The following BCL7A variants were observed in gnomAD, a reference collection of about 807,000 sequenced individuals.
The protein encoded by BCL7A is BAF chromatin remodeling complex subunit BCL7A, also known as B-cell CLL/lymphoma 7 protein family member A.
BCL7A carries 11 observed loss-of-function variants against 28.4 expected under a neutral mutation model. The observed-to-expected ratio is 0.39, with a 90% CI of 0.24 to 0.64. The LOEUF (loss-of-function observed/expected upper bound fraction) is 0.64. Ranked by LOEUF, BCL7A falls within the 30% of genes least tolerant of loss-of-function variation. BCL7A has a pLI of 0.50. For synonymous variants in BCL7A, 123 were observed against 103.3 expected, an observed-to-expected ratio of 1.19 and a Z score of -1.15; for missense variants, 222 against 274.8, an observed-to-expected ratio of 0.81 and a Z score of 1.36.
At chr12:122,050,471 T>C (rs1884169231) in intron 4 of BCL7A, among the ~76,000 whole-genome samples, 1 of 152,190 alleles carries the variant, frequency 6.6e-6, no homozygotes, top group Non-Finnish European at 1.5e-5. Context: ...GTACAGTATG[T>C]GTCGTCCCCT....
chr12:122,022,823 A>G (rs1883498105), intron 1 of BCL7A, among the ~76,000 whole-genome samples: 1 of 151,592 alleles, frequency 6.6e-6, no homozygotes, highest in Middle Eastern at 3.5e-3. Flanking sequence ...GGCGACCAGG[A>G]AAGATGGGGG....
At chr12:122,056,511 A>C (rs1254193105) in intron 5 of BCL7A, among the ~76,000 whole-genome samples, 1 of 152,010 alleles carries the variant, frequency 6.6e-6, no homozygotes, top group Non-Finnish European at 1.5e-5. Flanking sequence ...TTCAAGCAAT[A>C]CGTTTTTGGC....
chr12:122,047,381 G>A (rs1351218379), intron 4 of BCL7A, among the ~76,000 whole-genome samples: 1 of 151,856 alleles, frequency 6.6e-6, no homozygotes, highest in African/African-American at 2.4e-5. Context: ...AAAATTATCC[G>A]GGCATGGTAT....
At chr12:122,031,735 C>T (rs1292386740) in intron 2 of BCL7A, among the ~76,000 whole-genome samples, 2 of 151,976 alleles carry the variant, frequency 1.3e-5, no homozygotes, top group South Asian at 2.1e-4. Flanking sequence ...TGTAGGGATG[C>T]GGGGCTCCAG....
At chr12:122,052,153 G>A (rs1462625469) in intron 4 of BCL7A, among the ~76,000 whole-genome samples, 1 of 151,846 alleles carries the variant, frequency 6.6e-6, no homozygotes, top group Non-Finnish European at 1.5e-5. Flanking sequence ...GGGATTACAG[G>A]TGTGAGCCAC....
Position 122,044,063 on chromosome 12 carries a change from C to G in BCL7A, c.439+10C>G. The G allele has an allele frequency of 6.2e-7, 1 of 1,607,474 alleles. No homozygotes were observed. Reference sequence around the variant, plus strand: ...CACCCAGGAGCTGAAGGTATGTGGCCTCTGGAGGTGGGGCTCTGACGGCCT... The same window carrying G: ...CACCCAGGAGCTGAAGGTATGTGGCGTCTGGAGGTGGGGCTCTGACGGCCT... On this transcript the variant is annotated intron_variant, in intron 4 of 5. Transcript: ENST00000261822.
At chr12:122,043,168 C>G (rs996190494) in intron 3 of BCL7A, among the ~76,000 whole-genome samples, 4 of 152,102 alleles carry the variant, frequency 2.6e-5, no homozygotes, top group Non-Finnish European at 4.4e-5. Flanking sequence ...GGCAATCCCG[C>G]CTCACGGACC....
chr12:122,022,097 G>C lies in BCL7A; in HGVS notation c.6G>C (p.Ser2=), dbSNP rs1358898606. The C allele has an allele frequency of 1.2e-5, 19 of 1,569,482 alleles. No homozygotes were observed. The highest frequency in any genetic ancestry group is 2.8e-5 in the African/African-American group (2 of 72,292). Residue 2 remains serine, a synonymous_variant, in exon 1 of 6, where the codon TCG becomes TCC. Transcript: ENST00000261822. ...TCCGTCTCCCCGCCGGAACCATGTC[G>C]GGCAGGTCGGTTCGAGCCGAGACGA... M[S]GRSVRAETRS... is the part of the protein sequence containing the mutation.
intron 1 of BCL7A, among the ~76,000 whole-genome samples, chr12:122,024,106 C>T (rs564632507): frequency 1.3e-5 from 2 of 152,266 alleles, no homozygotes; most frequent in African/African-American, 2.4e-5. Flanking sequence ...GGAGGCCTTC[C>T]AGCCCGCTGA....
At chr12:122,032,971 T>C (rs925213203) in intron 2 of BCL7A, among the ~76,000 whole-genome samples, 10 of 152,304 alleles carry the variant, frequency 6.6e-5, no homozygotes, top group South Asian at 4.1e-4. Context: ...ATCTGCCTTG[T>C]GGAGGGAGAG....
chr12:122,050,435 A>T (rs1369302830), intron 4 of BCL7A, among the ~76,000 whole-genome samples: 1 of 152,172 alleles, frequency 6.6e-6, no homozygotes, highest in Non-Finnish European at 1.5e-5. Context: ...CCAGTGCCCT[A>T]GCGGCTTTGC....
chr12:122,028,081 C>T (rs1274622686), intron 1 of BCL7A, among the ~76,000 whole-genome samples: 2 of 152,078 alleles, frequency 1.3e-5, no homozygotes, highest in Non-Finnish European at 2.9e-5. Context: ...GCTCCATGGC[C>T]CCTCCGGGTG....
Position 122,035,383 on chromosome 12 carries a change from C to T in BCL7A, c.227C>T (p.Thr76Ile). 1 of 1,614,146 alleles carries T rather than the reference C, an allele frequency of 6.2e-7. No individual in the cohort carries two copies. The highest frequency in any genetic ancestry group is 8.5e-7 in the Non-Finnish European group (1 of 1,179,998). ...GACGAGAAGTGTGGCTCAGAGGTGA[C>T]CACTCCGGAGAACAGTTCCTCCCCA... is the stretch of plus-strand genomic sequence containing the variant. ...GKDEKCGSEV[T>I]TPENSSSPGM... The change falls in exon 3 of 6, where the codon ACC becomes ATC. Residue 76 changes from threonine (T) to isoleucine (I), a missense_variant. By Grantham distance (89) the Thr-to-Ile change is moderately conservative. Coordinates refer to ENST00000261822, the MANE Select transcript of BCL7A (RefSeq NM_001024808.3).
intron 1 of BCL7A, among the ~76,000 whole-genome samples, chr12:122,026,409 C>G (rs917084129): frequency 6.6e-6 from 1 of 152,200 alleles, no homozygotes; most frequent in Non-Finnish European, 1.5e-5. Flanking sequence ...TGCCACTGTA[C>G]TCTAGCCTGG....
In BCL7A at chr12:122,059,057, A is replaced by G. The variant is rs1215166121; in HGVS notation, c.562-35A>G. On this transcript the variant is annotated intron_variant, in intron 5 of 5. Transcript: ENST00000261822. This position sits in a 1 kb window ranked among gnomAD's most constrained non-coding sequence, Gnocchi z 4.0. The stretch of plus-strand genomic sequence containing the variant: ...CTGGCCTAACTTGCTCTCCTGGCCC[A>G]TTAACCTGTGTTCCCCTTTTCTCCT... 1.3e-6 allele frequency: 2 copies of G among 1,562,212 alleles called. No homozygotes were observed. Among genetic ancestry groups the G allele is most frequent in the Non-Finnish European group, 1.8e-6 (2 of 1,132,752 alleles).
At chr12:122,043,718 CA>C (rs1884006300) in intron 3 of BCL7A, among the ~76,000 whole-genome samples, 167 bp from the exon 4 acceptor site, 1 of 147,904 alleles carries the variant, frequency 6.8e-6, no homozygotes, top group Admixed American at 6.8e-5. Context: ...GCCTGGTTGA[CA>C]GAGCGAGATC....
intron 4 of BCL7A, among the ~76,000 whole-genome samples, chr12:122,049,059 T>C (rs1208866572): frequency 1.0e-4 from 11 of 105,546 alleles, no homozygotes; most frequent in East Asian, 2.7e-4. Flanking sequence ...TATATACATA[T>C]ACACACACAC....
chr12:122,035,027 G>A (rs1176376538), intron 2 of BCL7A, among the ~76,000 whole-genome samples: 1 of 152,084 alleles, frequency 6.6e-6, no homozygotes, highest in Non-Finnish European at 1.5e-5. Flanking sequence ...TGCCAGCCAG[G>A]GTGTTTCCAC....
chr12:122,058,263 G>T (rs1318554715), intron 5 of BCL7A, among the ~76,000 whole-genome samples: 1 of 152,172 alleles, frequency 6.6e-6, no homozygotes, highest in Non-Finnish European at 1.5e-5. Context: ...CTAGCACTCT[G>T]GGAAGGTGAG....
Sources: gnomAD v4.1 joint callset for allele counts (sites outside exome capture counted in the v4.1 genomes callset) on GRCh38, gnomAD v4.1.1 for gene constraint, Gnocchi (gnomAD v3.1) non-coding constraint, MANE v1.5 for transcripts, NCBI Gene and HGNC (gene_info 2026-07-23, HGNC 2026-07-21) for gene names.